The following CNTNAP2 variants were observed in gnomAD, a reference collection of about 807,000 sequenced individuals.
CNTNAP2 encodes contactin-associated protein-like 2.
Under a neutral mutation model 155.2 loss-of-function variants are expected in CNTNAP2, and 98 were observed. That is an observed-to-expected ratio of 0.63 (90% CI 0.54 to 0.75). The LOEUF is 0.75. CNTNAP2 is among the 30% of genes least tolerant of loss of function. The pLI is 0.00. For missense variants in CNTNAP2, 1,727 were observed against 1,688.1 expected, an observed-to-expected ratio of 1.02 and a Z score of -0.40; for synonymous variants, 651 against 631.2, an observed-to-expected ratio of 1.03 and a Z score of -0.47.
chr7:148,267,397 G>A lies in CNTNAP2; in HGVS notation c.3475+271G>A, dbSNP rs1198092282. 4.6e-5 allele frequency among the ~76,000 whole-genome samples: 7 copies of A among 152,114 alleles called. 1 individual carries two copies. Among genetic ancestry groups the A allele is most frequent in the African/African-American group, 9.7e-5 (4 of 41,432 alleles). ...AGGCTGGGCATGGTGGGTCACGCCT[G>A]TAATCCCAGCACTTTGGGAGGCTAA... On this transcript the variant is annotated intron_variant, in intron 21 of 23. Transcript: ENST00000361727.
At chr7:146,489,854 A>G (rs936997548) in intron 1 of CNTNAP2, among the ~76,000 whole-genome samples, 2 of 152,044 alleles carry the variant, frequency 1.3e-5, no homozygotes, top group African/African-American at 2.4e-5. Context: ...CAGGACTTCT[A>G]TGGGCTCAGA....
chr7:146,951,625 G>C (rs949152556), intron 3 of CNTNAP2, among the ~76,000 whole-genome samples: 1 of 152,078 alleles, frequency 6.6e-6, no homozygotes, highest in African/African-American at 2.4e-5. Flanking sequence ...CATTATTTCT[G>C]AGGCATCTGT....
At chr7:146,528,220 A>C (rs537218007) in intron 1 of CNTNAP2, among the ~76,000 whole-genome samples, 2 of 152,256 alleles carry the variant, frequency 1.3e-5, no homozygotes, top group African/African-American at 4.8e-5. Flanking sequence ...ATTACTTATA[A>C]ATGGGACAAG....
intron 2 of CNTNAP2, among the ~76,000 whole-genome samples, chr7:146,813,744 T>C (rs1370758739): frequency 2.0e-5 from 3 of 152,096 alleles, no homozygotes; most frequent in Admixed American, 6.6e-5. Context: ...TGGAATGATA[T>C]GGTTTGGCTC....
chr7:148,017,979 T>A (rs911244061), intron 15 of CNTNAP2, among the ~76,000 whole-genome samples: 2 of 152,218 alleles, frequency 1.3e-5, no homozygotes, highest in Non-Finnish European at 2.9e-5. Context: ...TGTGCAGGTT[T>A]TTCTAAAACA....
intron 19 of CNTNAP2, among the ~76,000 whole-genome samples, chr7:148,222,543 G>T (rs62473476): frequency 0.33 from 47,340 of 142,694 alleles, 8,310 homozygotes; most frequent in East Asian, 0.46. Context: ...TCCATGAATC[G>T]ATGAATGGAT....
chr7:147,630,877 G>A (rs1403540518), intron 12 of CNTNAP2, among the ~76,000 whole-genome samples: 11 of 152,070 alleles, frequency 7.2e-5, no homozygotes. Context: ...TACTGAATGG[G>A]AAAAAGTTGA....
intron 3 of CNTNAP2, among the ~76,000 whole-genome samples, chr7:146,871,602 A>T (rs573576530): frequency 6.6e-6 from 1 of 152,118 alleles, no homozygotes; most frequent in South Asian, 2.1e-4. Flanking sequence ...GTCATCAATG[A>T]TAGGCTAGAA....
intron 1 of CNTNAP2, among the ~76,000 whole-genome samples, chr7:146,440,419 A>G (rs975580829): frequency 2.6e-5 from 4 of 151,576 alleles, no homozygotes; most frequent in Non-Finnish European, 4.4e-5. Flanking sequence ...ATTCTATTTG[A>G]CATTCAACTT....
chr7:148,254,626 A>G (rs1406374663), intron 20 of CNTNAP2, among the ~76,000 whole-genome samples: 1 of 152,042 alleles, frequency 6.6e-6, no homozygotes, highest in Non-Finnish European at 1.5e-5. Flanking sequence ...AATACAAAAA[A>G]TTAGCCAGGC....
chr7:147,960,112 C>T (rs1801090529), intron 14 of CNTNAP2, among the ~76,000 whole-genome samples: 1 of 152,114 alleles, frequency 6.6e-6, no homozygotes, highest in African/African-American at 2.4e-5. Context: ...CCACAGCAAG[C>T]CCAGCAGAAC....
intron 22 of CNTNAP2, among the ~76,000 whole-genome samples, chr7:148,388,111 G>T (rs749903638): frequency 2.1e-4 from 32 of 152,182 alleles, no homozygotes; most frequent in Non-Finnish European, 5.9e-5. Flanking sequence ...CCTTGGGGCT[G>T]CTCTGTCTGT....
intron 13 of CNTNAP2, among the ~76,000 whole-genome samples, chr7:147,835,187 A>G (rs1798615120): frequency 1.3e-5 from 2 of 152,106 alleles, no homozygotes; most frequent in South Asian, 2.1e-4. Context: ...CCCCACCACC[A>G]CCATCCCCAC....
At chr7:147,223,633 C>T (rs1425285266) in intron 8 of CNTNAP2, among the ~76,000 whole-genome samples, 1 of 152,196 alleles carries the variant, frequency 6.6e-6, no homozygotes, top group African/African-American at 2.4e-5. Flanking sequence ...GCATTCCCAG[C>T]ACATTTACAG....
intron 8 of CNTNAP2, among the ~76,000 whole-genome samples, chr7:147,135,416 C>G (rs1801458708): frequency 6.6e-6 from 1 of 151,742 alleles, no homozygotes; most frequent in Admixed American, 6.6e-5. Context: ...GTTTTTATTT[C>G]AAAGTGACTC....
At chr7:146,793,208 C>A (rs886614199) in intron 2 of CNTNAP2, among the ~76,000 whole-genome samples, 4 of 152,112 alleles carry the variant, frequency 2.6e-5, no homozygotes, top group Admixed American at 2.6e-4. Flanking sequence ...AATTTCACAA[C>A]ATTTATGGTT....
At chr7:147,429,947 G>A (rs966043890) in intron 10 of CNTNAP2, among the ~76,000 whole-genome samples, 1 of 152,056 alleles carries the variant, frequency 6.6e-6, no homozygotes, top group African/African-American at 2.4e-5. Context: ...GTACCTTGCT[G>A]TTTTGGTAAC....
At chr7:146,137,884 C>T (rs964919053) in intron 1 of CNTNAP2, among the ~76,000 whole-genome samples, 1 of 151,520 alleles carries the variant, frequency 6.6e-6, no homozygotes, top group Non-Finnish European at 1.5e-5. Context: ...ATTATATATA[C>T]TTAATATTTA....
chr7:146,936,950 T>C (rs548398719), intron 3 of CNTNAP2, among the ~76,000 whole-genome samples: 3 of 152,208 alleles, frequency 2.0e-5, no homozygotes, highest in Non-Finnish European at 2.9e-5. Flanking sequence ...TCCTTTAAAT[T>C]TAAAATAAAA....
Sources: allele counts gnomAD v4.1 joint callset (sites outside exome capture counted in the v4.1 genomes callset), GRCh38; gene constraint gnomAD v4.1.1; transcripts MANE v1.5; gene names NCBI Gene and HGNC (gene_info 2026-07-23, HGNC 2026-07-21).